Variants in ATAD5 observed in about 807,000 individuals in gnomAD.
The protein encoded by ATAD5 is ATPase family AAA domain-containing protein 5.
Under a neutral mutation model 176.9 loss-of-function variants are expected in ATAD5, and 58 were observed. That is an observed-to-expected ratio of 0.33 (90% CI 0.27 to 0.41). The LOEUF is 0.41. Ranked by LOEUF, ATAD5 falls within the 10% of genes least tolerant of loss-of-function variation. The pLI is 1.00. For synonymous variants in ATAD5, 640 were observed against 712.6 expected, an observed-to-expected ratio of 0.90 and a Z score of 1.62; for missense variants, 1,789 against 2,094.1, an observed-to-expected ratio of 0.85 and a Z score of 2.84.
chr17:30,869,325 A>G lies in ATAD5; in HGVS notation c.3391A>G (p.Thr1131Ala), dbSNP rs763441600. The G allele has an allele frequency of 1.2e-6, 2 of 1,614,090 alleles. No individual in the cohort carries two copies. Among genetic ancestry groups the G allele is most frequent in the Non-Finnish European group, 1.7e-6 (2 of 1,180,012 alleles). Residue 1131 changes from threonine (T) to alanine (A), a missense_variant, in exon 13 of 23, where the codon ACA becomes GCA. Coordinates refer to ENST00000321990, the MANE Select transcript of ATAD5 (RefSeq NM_024857.5). ...TCGTCTTTGCAATACTGTCCTTATA[A>G]CAGGGCCAACAGGAGTGGGAAAAAC... ...ESRLCNTVLI[T>A]GPTGVGKTAA...
chr17:30,838,460 A>G (rs1303074732), intron 3 of ATAD5, among the ~76,000 whole-genome samples: 1 of 152,218 alleles, frequency 6.6e-6, no homozygotes, highest in African/African-American at 2.4e-5. Context: ...CCTTTTTTAT[A>G]GATGAAGAAA....
At chr17:30,861,208 C>G (rs1338135049) in intron 10 of ATAD5, among the ~76,000 whole-genome samples, 1 of 131,124 alleles carries the variant, frequency 7.6e-6, no homozygotes, top group Non-Finnish European at 1.6e-5. Context: ...ACCCCCCTCC[C>G]CGCCCTTGGC....
chr17:30,892,350 A>G (rs905069622), intron 19 of ATAD5, among the ~76,000 whole-genome samples: 1 of 151,332 alleles, frequency 6.6e-6, no homozygotes, highest in Non-Finnish European at 1.5e-5. Flanking sequence ...GCTTGAACCC[A>G]GGAGGTGGAG....
At chr17:30,842,663 G>C (rs929427687) in intron 4 of ATAD5, among the ~76,000 whole-genome samples, 4 of 152,102 alleles carry the variant, frequency 2.6e-5, no homozygotes, top group African/African-American at 9.7e-5. Flanking sequence ...TTTATAGCTT[G>C]GTCATATTGA....
chr17:30,847,632 C>G (rs775865221), intron 6 of ATAD5, among the ~76,000 whole-genome samples: 102 of 150,548 alleles, frequency 6.8e-4, no homozygotes, highest in Non-Finnish European at 1.2e-3. Context: ...GCCTGGCCTA[C>G]TGCAATATTT....
intron 17 of ATAD5, among the ~76,000 whole-genome samples, chr17:30,878,718 GTTTTTTTTTTTT>G (rs71142005): frequency 4.7e-4 from 27 of 56,878 alleles, no homozygotes; most frequent in Admixed American, 7.9e-4. Context: ...GTTAGGTGGT[GTTTTTTTTTTTT>G]TTTTTTTTTT....
intron 4 of ATAD5, among the ~76,000 whole-genome samples, chr17:30,841,580 A>G (rs766358328): frequency 2.0e-5 from 3 of 152,104 alleles, no homozygotes; most frequent in Admixed American, 6.6e-5. Flanking sequence ...ACCGTAGTCA[A>G]TTTTGGAACA....
rs755474549 is a variant in ATAD5, at chr17:30,834,701, A to G, written c.620A>G (p.Lys207Arg). Residue 207 changes from lysine (K) to arginine (R), a missense_variant, in exon 2 of 23, where the codon AAA (lysine) becomes AGA (arginine). By Grantham distance (26) the Lys-to-Arg change is conservative (BLOSUM62 2). This residue lies in a region of ATAD5 where 696 missense variants were observed against 712.5 expected (regional missense o/e 0.98). Transcript: ENST00000321990. ...AAAAATGACTTCAAAAAGTTGAGAA[A>G]AAGGAAATGCAGAGATGTAGTAGAT... Reference protein sequence around the residue: ...TTKNDFKKLRKRKCRDVVDLS... With the variant: ...TTKNDFKKLRRRKCRDVVDLS... 1 of 1,609,754 alleles carries G rather than the reference A, an allele frequency of 6.2e-7. No individual in the cohort carries two copies. Among genetic ancestry groups the G allele is most frequent in the African/African-American group, 1.3e-5 (1 of 74,716 alleles).
At chr17:30,891,002 C>T (rs1909610425) in intron 19 of ATAD5, among the ~76,000 whole-genome samples, 1 of 152,114 alleles carries the variant, frequency 6.6e-6, no homozygotes, top group African/African-American at 2.4e-5. Flanking sequence ...GTAATTTAAC[C>T]GTTACTTACA....
In ATAD5 at chr17:30,883,707, C is replaced by T. The variant is rs557653701; in HGVS notation, c.4078-3485C>T. On this transcript the variant is annotated intron_variant, in intron 18 of 22. Transcript: ENST00000321990. ...GACTACAGGCGCCTGCCACCATGCCCGGCTAATATTTTTTGTATTTTTTAG... is the reference window on the plus strand; with the variant it reads ...GACTACAGGCGCCTGCCACCATGCCTGGCTAATATTTTTTGTATTTTTTAG... Among the ~76,000 whole-genome samples the T allele has an allele frequency of 2.0e-4, 31 of 151,908 alleles. 1 individual carries two copies. In the South Asian group the frequency reaches 3.7e-3, roughly 18 times the overall value.
chr17:30,832,175 C>G lies in ATAD5; in HGVS notation c.-173C>G. On this transcript the variant is annotated 5_prime_UTR_variant, in exon 1 of 23. The change creates a new upstream start codon in the 5' untranslated region. Coordinates refer to ENST00000321990, the MANE Select transcript of ATAD5 (RefSeq NM_024857.5). ...TCTTTCCGTGTTCGATTCGGCTGAT[C>G]TGGGCCCAGCCTCCGCTCCCGCTCT... 1 of 428,060 alleles carries G rather than the reference C, an allele frequency of 2.3e-6. No individual in the cohort carries two copies. Among genetic ancestry groups the G allele is most frequent in the Non-Finnish European group, 4.1e-6 (1 of 243,078 alleles). The allele number at this position is 428,060 out of a possible 1,614,324, so 26.5% of individuals were successfully genotyped here. A position where few individuals can be genotyped will look rare whatever the true frequency, so the allele number is the denominator to read the frequency against.
chr17:30,878,968 G>A (rs1280518636), intron 17 of ATAD5, among the ~76,000 whole-genome samples: 4 of 152,084 alleles, frequency 2.6e-5, no homozygotes, highest in Admixed American at 6.6e-5. Context: ...CTGACCTCAT[G>A]TGATCCACCT....
intron 15 of ATAD5, 26 bp downstream of exon 15, chr17:30,876,576 A>G: frequency 7.1e-7 from 1 of 1,412,716 alleles, no homozygotes; most frequent in South Asian, 1.3e-5. Flanking sequence ...GACAAATTTT[A>G]TATTTTTTAA....
Position 30,894,068 on chromosome 17 carries a change from A to G in ATAD5, c.5215A>G (p.Arg1739Gly). ...ETLNSCKKLG[R>G]DPTNDLTFYV... ...CTTGAATTCTTGCAAGAAATTAGGA[A>G]GAGATCCAACCAACGATCTTACTTT... The change falls in exon 21 of 23, where the codon AGA (arginine) becomes GGA (glycine). Residue 1739 changes from arginine to glycine, a missense_variant. By Grantham distance (125) the Arg-to-Gly change is moderately radical. Coordinates refer to ENST00000321990, the MANE Select transcript of ATAD5 (RefSeq NM_024857.5). 1 of 1,611,074 alleles carries G rather than the reference A, an allele frequency of 6.2e-7. No individual in the cohort carries two copies. The highest frequency in any genetic ancestry group is 8.5e-7 in the Non-Finnish European group (1 of 1,177,728).
chr17:30,887,161 A>G, intron 18 of ATAD5, 31 bp from the exon 19 acceptor site: 1 of 1,531,860 alleles, frequency 6.5e-7, no homozygotes, highest in Non-Finnish European at 8.8e-7. Context: ...TGAACTCAGC[A>G]GTTAACCACA....
chr17:30,877,549 G>A lies in ATAD5; in HGVS notation c.3918G>A (p.Glu1306=). The change falls in exon 16 of 23, where the codon GAG becomes GAA. Residue 1306 remains glutamate (E), a splice_region_variant and synonymous_variant. Coordinates refer to ENST00000321990, the MANE Select transcript of ATAD5 (RefSeq NM_024857.5). ...CAACATCTCTTATTCTTTTTGAGGA[G>A]GTAGGCTTATAGAAGTATACATTTG... ...KNATSLILFE[E]VDVIFDEDAG... 1 of 1,607,238 alleles carries A rather than the reference G, an allele frequency of 6.2e-7. No homozygotes were observed. Among genetic ancestry groups the A allele is most frequent in the Non-Finnish European group, 8.5e-7 (1 of 1,178,344 alleles).
chr17:30,844,188 C>G, intron 5 of ATAD5, 149 bp downstream of exon 5: 1 of 678,702 alleles, frequency 1.5e-6, no homozygotes, highest in Non-Finnish European at 2.1e-6. Context: ...GAGTGCAGCG[C>G]CGGCGGGATC....
At chr17:30,860,868 C>T (rs112963552) in intron 10 of ATAD5, among the ~76,000 whole-genome samples, 25 of 151,916 alleles carry the variant, frequency 1.6e-4, no homozygotes, top group Admixed American at 7.2e-4. Flanking sequence ...TTCAGCCTCC[C>T]GGGTAGCTGG....
intron 18 of ATAD5, among the ~76,000 whole-genome samples, chr17:30,881,248 G>A (rs1414555848): frequency 6.6e-6 from 1 of 151,826 alleles, no homozygotes; most frequent in Non-Finnish European, 1.5e-5. Flanking sequence ...ATTGTGGTCA[G>A]GTCAATTTTA....
Sources: allele counts gnomAD v4.1 joint callset (sites outside exome capture counted in the v4.1 genomes callset), GRCh38; gene constraint gnomAD v4.1.1; regional missense constraint gnomAD v4.1.1; transcripts MANE v1.5; gene names NCBI Gene and HGNC (gene_info 2026-07-23, HGNC 2026-07-21).